PRR9: variants seen among roughly 807,000 people sequenced by gnomAD.
The protein encoded by PRR9 is proline-rich protein 9.
PRR9 carries 3 observed loss-of-function variants against 2.6 expected under a neutral mutation model. The observed-to-expected ratio is 1.15, with a 90% CI of 0.53 to 2.98. The LOEUF (loss-of-function observed/expected upper bound fraction) is 2.98, where lower values mean the gene tolerates loss of function less well. Ranked by LOEUF, PRR9 falls within the 30% of genes most tolerant of loss-of-function variation. The pLI is 0.03. For missense variants in PRR9, 141 were observed against 132.0 expected, an observed-to-expected ratio of 1.07 and a Z score of -0.33; for synonymous variants, 48 against 50.4, an observed-to-expected ratio of 0.95 and a Z score of 0.20.
rs1185324984 is a variant in PRR9, at chr1:153,218,661, T to C, written c.*166T>C. ...ACTTGGTCTGTGTCTCTGAAGACAGTTCTTTCTGTATTTCATCACCCTCTG... is the reference window on the plus strand; with the variant it reads ...ACTTGGTCTGTGTCTCTGAAGACAGCTCTTTCTGTATTTCATCACCCTCTG... On this transcript the variant is annotated 3_prime_UTR_variant, in exon 2 of 2. Transcript: ENST00000368744. 2 of 615,686 alleles carry C rather than the reference T, an allele frequency of 3.2e-6. No homozygotes were observed. Among genetic ancestry groups the C allele is most frequent in the African/African-American group, 1.9e-5 (1 of 53,832 alleles). 38.1% of individuals were successfully genotyped at this position (615,686 alleles called of 1,614,324 possible). A position where few individuals can be genotyped will look rare whatever the true frequency, so the allele number is the denominator to read the frequency against.
Position 153,218,191 on chromosome 1 carries a change from C to T in PRR9, c.47C>T (p.Pro16Leu). ...TGCAAGCAGCCATGTGTGCCCCCTC[C>T]ATGCCTCCCAAAGACCCAGGAGCAG... ...QQCKQPCVPP[P>L]CLPKTQEQCQ... The change falls in exon 2 of 2, where the codon CCA becomes CTA. Residue 16 changes from proline to leucine, a missense_variant. Physicochemically the swap from Pro to Leu is moderately conservative, Grantham distance 98 (BLOSUM62 -3). Coordinates refer to ENST00000368744, the MANE Select transcript of PRR9 (RefSeq NM_001195571.2). The T allele has an allele frequency of 1.9e-6, 3 of 1,550,796 alleles. No individual in the cohort carries two copies. Among genetic ancestry groups the T allele is most frequent in the Non-Finnish European group, 2.6e-6 (3 of 1,147,032 alleles).
In PRR9 at chr1:153,219,251, T is replaced by C. The variant is rs552139532; in HGVS notation, c.*756T>C. 7.2e-5 allele frequency: 12 copies of C among 167,330 alleles called. No homozygotes were observed. Among genetic ancestry groups the C allele is most frequent in the African/African-American group, 2.9e-4 (12 of 41,582 alleles). 10.4% of individuals were successfully genotyped at this position (167,330 alleles called of 1,614,324 possible). A position where few individuals can be genotyped will look rare whatever the true frequency, so the allele number is the denominator to read the frequency against. On this transcript the variant is annotated 3_prime_UTR_variant, in exon 2 of 2. Transcript: ENST00000368744. ...ATGCAGGCTGGTCTGTTCTCCAGCT[T>C]CCTTGCCTTCTTCTCCCTGGTGAAG...
Position 153,218,717 on chromosome 1 carries a change from G to T in PRR9, c.*222G>T. ...AAGCATTGTTCTCAGCAGTCTGATG[G>T]AAGGTCTCAAATGTAGGAATGGTGT... On this transcript the variant is annotated 3_prime_UTR_variant, in exon 2 of 2. Coordinates refer to ENST00000368744, the MANE Select transcript of PRR9 (RefSeq NM_001195571.2). The T allele has an allele frequency of 1.8e-6, 1 of 545,136 alleles. No individual in the cohort carries two copies. The highest frequency in any genetic ancestry group is 3.4e-6 in the Non-Finnish European group (1 of 297,410). 33.8% of individuals were successfully genotyped at this position (545,136 alleles called of 1,614,324 possible). A position where few individuals can be genotyped will look rare whatever the true frequency, so the allele number is the denominator to read the frequency against.
In PRR9 at chr1:153,218,992, T is replaced by C. The variant is rs1416017661; in HGVS notation, c.*497T>C. 1 of 169,782 alleles carries C rather than the reference T, an allele frequency of 5.9e-6. No individual in the cohort carries two copies. Among genetic ancestry groups the C allele is most frequent in the African/African-American group, 2.4e-5 (1 of 41,448 alleles). The allele number at this position is 169,782 out of a possible 1,614,324, so 10.5% of individuals were successfully genotyped here. A position where few individuals can be genotyped will look rare whatever the true frequency, so the allele number is the denominator to read the frequency against. On this transcript the variant is annotated 3_prime_UTR_variant, in exon 2 of 2. Transcript: ENST00000368744. Reference sequence around the variant, plus strand: ...GGTGTTTCAAAAATCAAAAATTTGGTGATTTTGTCTCTGTACACTAAAAAG... The same window carrying C: ...GGTGTTTCAAAAATCAAAAATTTGGCGATTTTGTCTCTGTACACTAAAAAG...
chr1:153,218,682 C>T lies in PRR9; in HGVS notation c.*187C>T. On this transcript the variant is annotated 3_prime_UTR_variant, in exon 2 of 2. Coordinates refer to ENST00000368744, the MANE Select transcript of PRR9 (RefSeq NM_001195571.2). ...ACAGTTCTTTCTGTATTTCATCACC[C>T]TCTGTGAATAAGCATTGTTCTCAGC... is the stretch of plus-strand genomic sequence containing the variant. 1.7e-6 allele frequency: 1 copy of T among 604,424 alleles called. No homozygotes were observed. The allele number at this position is 604,424 out of a possible 1,614,324, so 37.4% of individuals were successfully genotyped here. A position where few individuals can be genotyped will look rare whatever the true frequency, so the allele number is the denominator to read the frequency against.
chr1:153,218,326 G>T lies in PRR9; in HGVS notation c.182G>T (p.Ser61Ile). ...TGTCTTTCTCAGTGCCAGGAATCAA[G>T]TCAAGAAAAATGCCCACAGCAAGGC... ...EVCLSQCQES[S>I]QEKCPQQGQE... Residue 61 changes from serine to isoleucine, a missense_variant, in exon 2 of 2, where the codon AGT (serine) becomes ATT (isoleucine). Physicochemically the swap from Ser to Ile is moderately radical, Grantham distance 142. Transcript: ENST00000368744. The T allele has an allele frequency of 6.4e-7, 1 of 1,550,618 alleles. No individual in the cohort carries two copies. Among genetic ancestry groups the T allele is most frequent in the Non-Finnish European group, 8.7e-7 (1 of 1,147,010 alleles).
chr1:153,218,526 T>C lies in PRR9; in HGVS notation c.*31T>C, dbSNP rs1657973892. The C allele has an allele frequency of 1.3e-6, 2 of 1,498,000 alleles. No individual in the cohort carries two copies. 92.8% of individuals were successfully genotyped at this position (1,498,000 alleles called of 1,614,324 possible). On this transcript the variant is annotated 3_prime_UTR_variant, in exon 2 of 2. Coordinates refer to ENST00000368744, the MANE Select transcript of PRR9 (RefSeq NM_001195571.2). Reference sequence around the variant, plus strand: ...CATATGTCATCTGGGTTCAAGAAGATGGCCAGCAGATGAAACCCTGACCCC... The same window carrying C: ...CATATGTCATCTGGGTTCAAGAAGACGGCCAGCAGATGAAACCCTGACCCC...
At chr1:153,218,073 C>T (rs1657960673) in intron 1 of PRR9, 52 bp from the exon 2 acceptor site, 11 of 1,204,394 alleles carry the variant, frequency 9.1e-6, no homozygotes, top group Non-Finnish European at 1.2e-5. Context: ...TTCCCCAGTT[C>T]CCATGCTGAT....
rs1433762409 is a variant in PRR9 at position 153,218,478 on chromosome 1, C to A, written c.334C>A (p.Pro112Thr). The change falls in exon 2 of 2, where the codon CCT becomes ACT. Residue 112 changes from proline to threonine, a missense_variant. Physicochemically the swap from Pro to Thr is conservative, Grantham distance 38 (BLOSUM62 -1). Coordinates refer to ENST00000368744, the MANE Select transcript of PRR9 (RefSeq NM_001195571.2). ...GAAAGTCCAGGAGAAGTGCTCATCC[C>A]CTGGCAAGGGAAAGTAGCTGCTCAT... The part of the protein sequence containing the change: ...PQKVQEKCSS[P>T]GKGK 6.5e-7 allele frequency: 1 copy of A among 1,549,970 alleles called. No homozygotes were observed. Among genetic ancestry groups the A allele is most frequent in the Admixed American group, 2.0e-5 (1 of 50,964 alleles).
chr1:153,218,737 T>A lies in PRR9; in HGVS notation c.*242T>A, dbSNP rs939962843. On this transcript the variant is annotated 3_prime_UTR_variant, in exon 2 of 2. Coordinates refer to ENST00000368744, the MANE Select transcript of PRR9 (RefSeq NM_001195571.2). Reference sequence around the variant, plus strand: ...TGATGGAAGGTCTCAAATGTAGGAATGGTGTGGTTGTCAGGGAAGACCACA... The same window carrying A: ...TGATGGAAGGTCTCAAATGTAGGAAAGGTGTGGTTGTCAGGGAAGACCACA... 16 of 489,978 alleles carry A rather than the reference T, an allele frequency of 3.3e-5. No individual in the cohort carries two copies. Among genetic ancestry groups the A allele is most frequent in the Non-Finnish European group, 6.0e-5 (16 of 265,216 alleles). The allele number at this position is 489,978 out of a possible 1,614,324, so 30.4% of individuals were successfully genotyped here. A position where few individuals can be genotyped will look rare whatever the true frequency, so the allele number is the denominator to read the frequency against.
Position 153,218,336 on chromosome 1 carries a change from A to G in PRR9, c.192A>G (p.Lys64=), listed in dbSNP as rs1657968641. 1.3e-6 allele frequency: 2 copies of G among 1,550,498 alleles called. No individual in the cohort carries two copies. The highest frequency in any genetic ancestry group is 1.4e-5 in the African/African-American group (1 of 73,034). Residue 64 remains lysine, a synonymous_variant, in exon 2 of 2, where the codon AAA becomes AAG. Transcript: ENST00000368744. ...LSQCQESSQE[K]CPQQGQEPYL... ...AGTGCCAGGAATCAAGTCAAGAAAAATGCCCACAGCAAGGCCAAGAGCCAT... is the reference window on the plus strand; with the variant it reads ...AGTGCCAGGAATCAAGTCAAGAAAAGTGCCCACAGCAAGGCCAAGAGCCAT...
In PRR9 at chr1:153,218,428, C is replaced by A. The variant is rs866555151; in HGVS notation, c.284C>A (p.Thr95Lys). 4 of 1,550,628 alleles carry A rather than the reference C, an allele frequency of 2.6e-6. No individual in the cohort carries two copies. Among genetic ancestry groups the A allele is most frequent in the South Asian group, 1.2e-5 (1 of 84,066 alleles). ...GAGCCATGCCAGGAGCTATTCCAGA[C>A]AAAATGTGTGGAGGTTTGCCCACAG... ...CAEPCQELFQTKCVEVCPQKV... is the reference protein window; with the variant it reads ...CAEPCQELFQKKCVEVCPQKV... Residue 95 changes from threonine to lysine, a missense_variant, in exon 2 of 2, where the codon ACA (threonine) becomes AAA (lysine). Coordinates refer to ENST00000368744, the MANE Select transcript of PRR9 (RefSeq NM_001195571.2).
Position 153,218,442 on chromosome 1 carries a change from G to T in PRR9, c.298G>T (p.Val100Phe), listed in dbSNP as rs1021313879. Reference protein sequence around the residue: ...QELFQTKCVEVCPQKVQEKCS... With the variant: ...QELFQTKCVEFCPQKVQEKCS... The stretch of plus-strand genomic sequence containing the variant: ...GCTATTCCAGACAAAATGTGTGGAG[G>T]TTTGCCCACAGAAAGTCCAGGAGAA... The change falls in exon 2 of 2, where the codon GTT (valine) becomes TTT (phenylalanine). Residue 100 changes from valine to phenylalanine, a missense_variant. Transcript: ENST00000368744. The T allele has an allele frequency of 6.4e-7, 1 of 1,550,486 alleles. No individual in the cohort carries two copies. Among genetic ancestry groups the T allele is most frequent in the African/African-American group, 1.4e-5 (1 of 73,032 alleles).
chr1:153,217,902 A>G (rs1444087897), intron 1 of PRR9, among the ~76,000 whole-genome samples: 2 of 152,216 alleles, frequency 1.3e-5, no homozygotes, highest in East Asian at 3.9e-4. Flanking sequence ...AGAGGCCAGG[A>G]GAACACTCCC....
Position 153,218,687 on chromosome 1 carries a change from T to C in PRR9, c.*192T>C. On this transcript the variant is annotated 3_prime_UTR_variant, in exon 2 of 2. Transcript: ENST00000368744. ...TCTTTCTGTATTTCATCACCCTCTG[T>C]GAATAAGCATTGTTCTCAGCAGTCT... The C allele has an allele frequency of 3.3e-6, 2 of 600,182 alleles. No homozygotes were observed. Among genetic ancestry groups the C allele is most frequent in the Non-Finnish European group, 6.1e-6 (2 of 328,908 alleles). 37.2% of individuals were successfully genotyped at this position (600,182 alleles called of 1,614,324 possible).
Position 153,218,900 on chromosome 1 carries a change from C to T in PRR9, c.*405C>T, listed in dbSNP as rs1657981222. ...ACAAACTGAATTCTGATGGACTTTC[C>T]ACTTATCACCACCACCACCACCTCC... On this transcript the variant is annotated 3_prime_UTR_variant, in exon 2 of 2. Coordinates refer to ENST00000368744, the MANE Select transcript of PRR9 (RefSeq NM_001195571.2). 5.5e-6 allele frequency: 1 copy of T among 182,222 alleles called. No homozygotes were observed. Among genetic ancestry groups the T allele is most frequent in the Admixed American group, 5.9e-5 (1 of 16,830 alleles). The allele number at this position is 182,222 out of a possible 1,614,324, so 11.3% of individuals were successfully genotyped here. A position where few individuals can be genotyped will look rare whatever the true frequency, so the allele number is the denominator to read the frequency against.
chr1:153,218,495 G>GC lies in PRR9; in HGVS notation c.*1dup. 6.5e-7 allele frequency: 1 copy of GC among 1,547,764 alleles called. No homozygotes were observed. On this transcript the variant is annotated 3_prime_UTR_variant, in exon 2 of 2. Coordinates refer to ENST00000368744, the MANE Select transcript of PRR9 (RefSeq NM_001195571.2). ...GCTCATCCCCTGGCAAGGGAAAGTAGCTGCTCATATGTCATCTGGGTTCAA... is the reference window on the plus strand; with the variant it reads ...GCTCATCCCCTGGCAAGGGAAAGTAGCCTGCTCATATGTCATCTGGGTTCAA...
Position 153,219,030 on chromosome 1 carries a change from T to C in PRR9, c.*535T>C, listed in dbSNP as rs1250641499. On this transcript the variant is annotated 3_prime_UTR_variant, in exon 2 of 2. Transcript: ENST00000368744. ...GTACACTAAAAAGAACAGCAAATTATTGAACTTTGAAATGTTGGTTGTGCT... is the reference window on the plus strand; with the variant it reads ...GTACACTAAAAAGAACAGCAAATTACTGAACTTTGAAATGTTGGTTGTGCT... The C allele has an allele frequency of 5.9e-6, 1 of 168,074 alleles. No individual in the cohort carries two copies. The highest frequency in any genetic ancestry group is 2.4e-5 in the African/African-American group (1 of 41,472). 10.4% of individuals were successfully genotyped at this position (168,074 alleles called of 1,614,324 possible). A position where few individuals can be genotyped will look rare whatever the true frequency, so the allele number is the denominator to read the frequency against.
rs1571062331 is a variant in PRR9, at chr1:153,218,493, T to C, written c.349T>C (p.Ter117GlnextTer53). Residue 117 changes from the stop codon to glutamine, a stop_lost, in exon 2 of 2, where the codon TAG (stop) becomes CAG (glutamine). Transcript: ENST00000368744. ...EKCSSPGKGK[*>Q] ...GTGCTCATCCCCTGGCAAGGGAAAG[T>C]AGCTGCTCATATGTCATCTGGGTTC... The C allele has an allele frequency of 6.5e-7, 1 of 1,547,420 alleles. No homozygotes were observed. Among genetic ancestry groups the C allele is most frequent in the East Asian group, 2.4e-5 (1 of 40,904 alleles).
Sources: allele counts gnomAD v4.1 joint callset (sites outside exome capture counted in the v4.1 genomes callset), GRCh38; gene constraint gnomAD v4.1.1; transcripts MANE v1.5; gene names NCBI Gene and HGNC (gene_info 2026-07-23, HGNC 2026-07-21).